Variants in CACNA2D1 observed in about 807,000 individuals in gnomAD.
CACNA2D1 encodes calcium voltage-gated channel auxiliary subunit alpha2delta 1.
In CACNA2D1, 53 loss-of-function variants were observed where a neutral mutation model predicts 171.5. The ratio of observed to expected loss-of-function variants is 0.31; its 90% CI spans 0.25 to 0.39. The LOEUF is 0.39. Among genes scored for constraint, CACNA2D1 ranks in the 10% least tolerant of loss-of-function variants. CACNA2D1 has a pLI of 1.00. For synonymous variants in CACNA2D1, 442 were observed against 443.1 expected (o/e 1.00, Z 0.03); for missense variants, 903 against 1,299.8 (o/e 0.69, Z 4.69).
intron 4 of CACNA2D1, among the ~76,000 whole-genome samples, chr7:82,166,033 C>T (rs987903936): frequency 3.3e-5 from 5 of 151,902 alleles, no homozygotes; most frequent in Non-Finnish European, 7.4e-5. Context: ...GTGTGTTTTC[C>T]CATTCCACAT....
intron 3 of CACNA2D1, among the ~76,000 whole-genome samples, chr7:82,197,450 A>G (rs1798962500): frequency 6.6e-6 from 1 of 152,134 alleles, no homozygotes; most frequent in African/African-American, 2.4e-5. Context: ...ATCATAACAT[A>G]AATGTAAGGC....
At chr7:82,244,595 C>A (rs1182631176) in intron 3 of CACNA2D1, among the ~76,000 whole-genome samples, 2 of 151,304 alleles carry the variant, frequency 1.3e-5, no homozygotes, top group African/African-American at 2.4e-5. Flanking sequence ...GTCTTAACAT[C>A]AGTTAAAATA....
intron 5 of CACNA2D1, among the ~76,000 whole-genome samples, chr7:82,120,948 C>T (rs966433748): frequency 6.6e-6 from 1 of 151,420 alleles, no homozygotes; most frequent in African/African-American, 2.4e-5. Flanking sequence ...TTACATTACT[C>T]TGTTATGGCT....
chr7:82,215,699 A>C (rs887609273), intron 3 of CACNA2D1, among the ~76,000 whole-genome samples: 6 of 152,206 alleles, frequency 3.9e-5, no homozygotes, highest in Middle Eastern at 3.4e-3. Flanking sequence ...CTTCTTTAAA[A>C]TTCAATGCCA....
chr7:82,423,665 C>T (rs1373860447), intron 1 of CACNA2D1, among the ~76,000 whole-genome samples: 1 of 152,132 alleles, frequency 6.6e-6, no homozygotes, highest in African/African-American at 2.4e-5. Context: ...CGATCCATAG[C>T]TAAAATAGAA....
At chr7:82,005,958 T>A (rs955967934) in intron 16 of CACNA2D1, 119 bp from the exon 17 acceptor site, 1 of 726,448 alleles carries the variant, frequency 1.4e-6, no homozygotes, top group African/African-American at 1.7e-5. Context: ...TTTAAATGTA[T>A]ATATAGGGTG....
In CACNA2D1 at chr7:82,152,821, T is replaced by C. The variant is rs1793997026; in HGVS notation, c.355-16145A>G. Among the ~76,000 whole-genome samples, 3 of 152,076 alleles carry C rather than the reference T, an allele frequency of 2.0e-5. No homozygotes were observed. In the South Asian group the frequency reaches 6.2e-4, roughly 32 times the overall value. On this transcript the variant is annotated intron_variant, in intron 4 of 38. Coordinates refer to ENST00000356860, the MANE Select transcript of CACNA2D1 (RefSeq NM_000722.4). ...TAACTCTTTAGTTAAATGCATTATA[T>C]GTTTCGATGGTTACTTCCAATTTTA...
chr7:82,374,631 G>A (rs1008889122), intron 1 of CACNA2D1, among the ~76,000 whole-genome samples: 4 of 152,084 alleles, frequency 2.6e-5, no homozygotes, highest in Non-Finnish European at 4.4e-5. Context: ...CGAATGAAAG[G>A]TACCAGCATT....
chr7:82,234,730 T>C lies in CACNA2D1; in HGVS notation c.295-64121A>G, dbSNP rs979256230. On this transcript the variant is annotated intron_variant, in intron 3 of 38. Transcript: ENST00000356860. The stretch of plus-strand genomic sequence containing the variant: ...AATCAATCCATTCTCAAAAATTAAG[T>C]AAACATAAGAAAACAATTAGGAACA... Among the ~76,000 whole-genome samples, 6 of 152,172 alleles carry C rather than the reference T, an allele frequency of 3.9e-5. No individual in the cohort carries two copies. The South Asian group carries it at 1.0e-3, about 26-fold the overall frequency.
chr7:81,985,572 A>T (rs2130679167), intron 21 of CACNA2D1, among the ~76,000 whole-genome samples: 1 of 152,304 alleles, frequency 6.6e-6, no homozygotes, highest in Non-Finnish European at 1.5e-5. Context: ...TCCTTGGGCA[A>T]GTTCTCTAGT....
At chr7:82,099,282 T>C (rs1320867260) in intron 6 of CACNA2D1, among the ~76,000 whole-genome samples, 1 of 152,138 alleles carries the variant, frequency 6.6e-6, no homozygotes, top group Non-Finnish European at 1.5e-5. Context: ...AATTTTTCCC[T>C]TCCATTCACT....
chr7:82,366,043 A>C (rs1360325428), intron 1 of CACNA2D1, among the ~76,000 whole-genome samples: 1 of 152,198 alleles, frequency 6.6e-6, no homozygotes, highest in African/African-American at 2.4e-5. Context: ...AAAGGAACCA[A>C]ATGGCAAATA....
At chr7:82,424,347 C>T (rs576107511) in intron 1 of CACNA2D1, among the ~76,000 whole-genome samples, 56 of 152,276 alleles carry the variant, frequency 3.7e-4, no homozygotes, top group Non-Finnish European at 6.0e-4. Flanking sequence ...AAAAGCACGT[C>T]ATCGTTATTT....
rs146725752 is a variant in CACNA2D1, at chr7:82,019,402, T to C, written c.1144-4923A>G. ...ACTTACATAATTTTACTTTTAGTTG[T>C]TTCAAAACTATTTTTCTTCTGAAAG... On this transcript the variant is annotated intron_variant, in intron 12 of 38. Coordinates refer to ENST00000356860, the MANE Select transcript of CACNA2D1 (RefSeq NM_000722.4). Among the ~76,000 whole-genome samples, 566 of 152,328 alleles carry C rather than the reference T, an allele frequency of 3.7e-3. 5 individuals carry two copies. The highest frequency in any genetic ancestry group is 0.013 in the African/African-American group (536 of 41,568).
rs1584111056 is a variant in CACNA2D1, at chr7:81,947,294, G to A, written c.*3098C>T. The A allele has an allele frequency of 6.6e-6, 1 of 151,048 alleles. No homozygotes were observed. Among genetic ancestry groups the A allele is most frequent in the Non-Finnish European group, 1.5e-5 (1 of 67,710 alleles). 9.4% of individuals were successfully genotyped at this position (151,048 alleles called of 1,614,324 possible). A position where few individuals can be genotyped will look rare whatever the true frequency, so the allele number is the denominator to read the frequency against. On this transcript the variant is annotated 3_prime_UTR_variant, in exon 39 of 39. Transcript: ENST00000356860. ...TAAAGTTAATAAAAGGAATATTATA[G>A]GAAAACTTACAAATGGCAGGAACAC... is the stretch of plus-strand genomic sequence containing the variant.
chr7:82,258,796 C>A (rs370068013), intron 3 of CACNA2D1, among the ~76,000 whole-genome samples: 3 of 88,178 alleles, frequency 3.4e-5, no homozygotes, highest in South Asian at 3.8e-4. Context: ...GTTAAAATTT[C>A]TTTCTTTCTT....
intron 6 of CACNA2D1, among the ~76,000 whole-genome samples, chr7:82,112,712 C>T (rs1480787794): frequency 1.3e-5 from 2 of 152,122 alleles, no homozygotes; most frequent in Middle Eastern, 6.3e-3. Context: ...TTTACAACAG[C>T]TAAATGTAAA....
intron 4 of CACNA2D1, among the ~76,000 whole-genome samples, chr7:82,158,877 A>G (rs532670624): frequency 6.6e-6 from 1 of 152,000 alleles, no homozygotes; most frequent in East Asian, 1.9e-4. Context: ...TAAACAGCAA[A>G]TATCCTATTT....
chr7:81,970,047 T>A (rs145421326), intron 27 of CACNA2D1, 63 bp from the exon 28 acceptor site: 3 of 980,358 alleles, frequency 3.1e-6, no homozygotes, highest in Admixed American at 3.4e-5. Flanking sequence ...CTTTATCCTA[T>A]GTGGACTTGC....
Sources: gnomAD v4.1 joint callset for allele counts (sites outside exome capture counted in the v4.1 genomes callset) on GRCh38, gnomAD v4.1.1 for gene constraint, MANE v1.5 for transcripts, NCBI Gene and HGNC (gene_info 2026-07-23, HGNC 2026-07-21) for gene names.